ZNF615: variants seen among roughly 807,000 people sequenced by gnomAD.
The protein encoded by ZNF615 is zinc finger protein 615.
Under a neutral mutation model 15.3 loss-of-function variants are expected in ZNF615, and 15 were observed. That is an observed-to-expected ratio of 0.98 (90% confidence interval 0.66 to 1.51). The LOEUF is 1.51. ZNF615 is among the 40% of genes most tolerant of loss of function. The pLI, the probability that ZNF615 is intolerant of heterozygous loss-of-function variation, is 0.00. For missense variants in ZNF615, 848 were observed against 895.9 expected, an observed-to-expected ratio of 0.95 and a Z score of 0.68; for synonymous variants, 268 against 294.6, an observed-to-expected ratio of 0.91 and a Z score of 0.92.
Position 51,993,511 on chromosome 19 carries a change from G to A in ZNF615, c.1598C>T (p.Pro533Leu). 1.2e-6 allele frequency: 2 copies of A among 1,613,724 alleles called. No homozygotes were observed. The highest frequency in any genetic ancestry group is 1.7e-6 in the Non-Finnish European group (2 of 1,179,940). Reference sequence around the variant, plus strand: ...ATGTCCCATTAGCCGGATCTTTGCTGGAAAGCCTTTTCCACACTCACCACA... The same window carrying A: ...ATGTCCCATTAGCCGGATCTTTGCTAGAAAGCCTTTTCCACACTCACCACA... ...YVCGECGKGF[P>L]AKIRLMGHQR... The change falls in exon 7 of 7, where the codon CCA becomes CTA. Residue 533 changes from proline to leucine, a missense_variant. Pro to Leu is a moderately conservative substitution (Grantham distance 98). Coordinates refer to ENST00000598071, the MANE Select transcript of ZNF615 (RefSeq NM_001199324.2).
intron 2 of ZNF615, 139 bp downstream of exon 2, chr19:52,007,154 C>A: frequency 2.3e-6 from 1 of 434,508 alleles, no homozygotes; most frequent in South Asian, 2.2e-5. Context: ...ATGTTTATTA[C>A]ATAATATAAA....
chr19:52,002,834 T>G (rs1445092543), intron 3 of ZNF615, among the ~76,000 whole-genome samples: 2 of 53,806 alleles, frequency 3.7e-5, no homozygotes, highest in East Asian at 1.6e-3. Flanking sequence ...TGCTTGCTTG[T>G]TTTTTTTTTT....
chr19:51,995,564 CTTT>C lies in ZNF615; in HGVS notation c.272-730_272-728del, dbSNP rs61537011. ...ATGTTTGGGATATACAAACACCTTC[CTTT>C]TTTTTTTTTTTTTTTTTTGAGACAG... On this transcript the variant is annotated intron_variant, in intron 6 of 6. Coordinates refer to ENST00000598071, the MANE Select transcript of ZNF615 (RefSeq NM_001199324.2). Among the ~76,000 whole-genome samples, 8 of 135,530 alleles carry C rather than the reference CTTT, an allele frequency of 5.9e-5. 1 individual carries two copies. The highest frequency in any genetic ancestry group is 1.4e-4 in the African/African-American group (5 of 36,918). The allele number at this position is 135,530 out of a possible 152,430, so 88.9% of individuals were successfully genotyped here.
chr19:52,003,145 A>G lies in ZNF615; in HGVS notation c.15+552T>C, dbSNP rs555981574. ...CCTGGCCATGATTAAGCAAATTTGG[A>G]AAAAAAAATCCTTAGAATATATATG... On this transcript the variant is annotated intron_variant, in intron 3 of 6. Coordinates refer to ENST00000598071, the MANE Select transcript of ZNF615 (RefSeq NM_001199324.2). 1.8e-4 allele frequency among the ~76,000 whole-genome samples: 10 copies of G among 55,662 alleles called. 1 individual carries two copies. In the South Asian group the frequency reaches 9.3e-3, roughly 52 times the overall value. 36.5% of individuals were successfully genotyped at this position (55,662 alleles called of 152,430 possible).
At chr19:52,002,810 CA>C (rs1458472918) in intron 3 of ZNF615, among the ~76,000 whole-genome samples, 1 of 149,444 alleles carries the variant, frequency 6.7e-6, no homozygotes, top group African/African-American at 2.5e-5. Flanking sequence ...GATGATTAAA[CA>C]AATCTGTTTT....
chr19:52,002,083 G>T, intron 4 of ZNF615, 72 bp downstream of exon 4: 1 of 1,614,080 alleles, frequency 6.2e-7, no homozygotes, highest in Non-Finnish European at 8.5e-7. Flanking sequence ...TCAGAGTACT[G>T]CAGGTAAGCA....
At chr19:51,999,120 A>C (rs1374791944) in intron 6 of ZNF615, among the ~76,000 whole-genome samples, 1 of 152,252 alleles carries the variant, frequency 6.6e-6, no homozygotes, top group South Asian at 2.1e-4. Context: ...CTGCAGAAAC[A>C]AAAAGAAAAC....
In ZNF615 at chr19:51,994,595, C is replaced by T. The variant is rs895546140; in HGVS notation, c.514G>A (p.Asp172Asn). ...TTAGCATGAAAAAGGGATTTCCCAT[C>T]TCTATTAAACTCAGCAGAGTTCTTT... is the stretch of plus-strand genomic sequence containing the variant. The part of the protein sequence containing the change: ...GLKNSAEFNR[D>N]GKSLFHANHK... Residue 172 changes from aspartate to asparagine, a missense_variant, in exon 7 of 7, where the codon GAT becomes AAT. Asp to Asn is a conservative substitution (Grantham distance 23, BLOSUM62 1). Coordinates refer to ENST00000598071, the MANE Select transcript of ZNF615 (RefSeq NM_001199324.2). 6.2e-7 allele frequency: 1 copy of T among 1,613,760 alleles called. No individual in the cohort carries two copies. Among genetic ancestry groups the T allele is most frequent in the Non-Finnish European group, 8.5e-7 (1 of 1,179,998 alleles).
At chr19:52,007,931 T>TCACA (rs540479125) in intron 1 of ZNF615, 4 of 530,450 alleles carry the variant, frequency 7.5e-6, no homozygotes, top group South Asian at 2.5e-5. Flanking sequence ...GGTACCCCGA[T>TCACA]CACACACACA....
intron 6 of ZNF615, among the ~76,000 whole-genome samples, chr19:51,998,068 G>A (rs11878803): frequency 0.11 from 16,508 of 152,072 alleles, 1,057 homozygotes; most frequent in South Asian, 0.24. Flanking sequence ...TACCTTCTAC[G>A]TAGCAGGCAA....
chr19:52,008,136 C>A lies in ZNF615; in HGVS notation c.-228+5G>T. 1 of 1,535,558 alleles carries A rather than the reference C, an allele frequency of 6.5e-7. No individual in the cohort carries two copies. Among genetic ancestry groups the A allele is most frequent in the Non-Finnish European group, 8.7e-7 (1 of 1,146,770 alleles). ...CCACAGCGACCACCCAGTGACTGAA[C>A]TTACTTCCCAGAACTTGGTGGGCTC... On this transcript the variant is annotated splice_donor_5th_base_variant and intron_variant, in intron 1 of 6. Coordinates refer to ENST00000598071, the MANE Select transcript of ZNF615 (RefSeq NM_001199324.2).
At chr19:52,001,301 A>G (rs992037785) in intron 5 of ZNF615, among the ~76,000 whole-genome samples, 1 of 152,092 alleles carries the variant, frequency 6.6e-6, no homozygotes, top group East Asian at 1.9e-4. Context: ...ATGTGCATAA[A>G]ATAAACAAAG....
intron 2 of ZNF615, 68 bp downstream of exon 2, chr19:52,007,225 A>G (rs2086777386): frequency 2.2e-6 from 2 of 909,042 alleles, no homozygotes; most frequent in South Asian, 2.8e-5. Context: ...TAAGCACATA[A>G]CATACACGTC....
intron 6 of ZNF615, among the ~76,000 whole-genome samples, chr19:51,995,811 C>T (rs1449482766): frequency 6.6e-6 from 1 of 151,888 alleles, no homozygotes; most frequent in East Asian, 1.9e-4. Context: ...AGAAGATCCA[C>T]CTCCCTCCGC....
Position 51,994,439 on chromosome 19 carries a change from A to C in ZNF615, c.670T>G (p.Phe224Val). 1 of 1,614,176 alleles carries C rather than the reference A, an allele frequency of 6.2e-7. No individual in the cohort carries two copies. Among genetic ancestry groups the C allele is most frequent in the Non-Finnish European group, 8.5e-7 (1 of 1,180,016 alleles). Residue 224 changes from phenylalanine to valine, a missense_variant, in exon 7 of 7, where the codon TTC becomes GTC. Physicochemically the swap from Phe to Val is conservative, Grantham distance 50. Coordinates refer to ENST00000598071, the MANE Select transcript of ZNF615 (RefSeq NM_001199324.2). ...AHVCSECGKAFLKLSQFIDHQ... is the reference protein window; with the variant it reads ...AHVCSECGKAVLKLSQFIDHQ... ...TCAATAAACTGAGACAACTTGAGGA[A>C]GGCTTTCCCACATTCACTGCATACA... is the stretch of plus-strand genomic sequence containing the variant.
chr19:52,008,176 G>T lies in ZNF615; in HGVS notation c.-263C>A, dbSNP rs1161390288. 2 of 1,535,210 alleles carry T rather than the reference G, an allele frequency of 1.3e-6. No homozygotes were observed. The highest frequency in any genetic ancestry group is 1.4e-5 in the African/African-American group (1 of 73,000). ...TTGGTGGGCTCCGGCCTCATCTCTCGGCCTCCTCAGTGCCTGACGGCGACT... is the reference window on the plus strand; with the variant it reads ...TTGGTGGGCTCCGGCCTCATCTCTCTGCCTCCTCAGTGCCTGACGGCGACT... On this transcript the variant is annotated 5_prime_UTR_variant, in exon 1 of 7. Transcript: ENST00000598071.
In ZNF615 at chr19:52,001,893, T is replaced by C; in HGVS notation, c.158A>G (p.Lys53Arg). 1 of 1,614,194 alleles carries C rather than the reference T, an allele frequency of 6.2e-7. No individual in the cohort carries two copies. Residue 53 changes from lysine to arginine, a missense_variant, in exon 5 of 7, where the codon AAA becomes AGA. Lys to Arg is a conservative substitution (Grantham distance 26). Transcript: ENST00000598071. ...NLVAVGYQAS[K>R]PDALSKLERG... ...TTCCAATTTGGAGAGTGCATCTGGT[T>C]TGCTGGCTTGATACCCTGTTCATGG... is the stretch of plus-strand genomic sequence containing the variant.
At chr19:52,002,530 G>C in intron 3 of ZNF615, 1 of 575,790 alleles carries the variant, frequency 1.7e-6, no homozygotes, top group Admixed American at 2.2e-5. Flanking sequence ...GCTAATGAAA[G>C]AACATCTATA....
rs200594429 is a variant in ZNF615, at chr19:51,993,592, A to G, written c.1517T>C (p.Val506Ala). ...ICNDCGKGFT[V>A]KSRLIVHQRT... ...CTGATGCACAATAAGGCGGCTCTTC[A>G]CAGTGAAGCCTTTTCCACAATCATT... Residue 506 changes from valine (V) to alanine (A), a missense_variant, in exon 7 of 7, where the codon GTG (valine) becomes GCG (alanine). Coordinates refer to ENST00000598071, the MANE Select transcript of ZNF615 (RefSeq NM_001199324.2). 13 of 1,613,582 alleles carry G rather than the reference A, an allele frequency of 8.1e-6. No individual in the cohort carries two copies. Among genetic ancestry groups the G allele is most frequent in the South Asian group, 7.7e-5 (7 of 91,068 alleles).
Sources: allele counts gnomAD v4.1 joint callset (sites outside exome capture counted in the v4.1 genomes callset), GRCh38; gene constraint gnomAD v4.1.1; transcripts MANE v1.5; gene names NCBI Gene and HGNC (gene_info 2026-07-23, HGNC 2026-07-21).